Variants in JPH1 observed in about 807,000 individuals in gnomAD.
JPH1 encodes junctophilin-1.
A neutral mutation model predicts 53.6 loss-of-function variants in JPH1; 12 were observed. The observed-to-expected ratio is 0.22, with a 90% CI of 0.14 to 0.36. The LOEUF (loss-of-function observed/expected upper bound fraction) is 0.36, where lower values mean the gene tolerates loss of function less well. Among genes scored for constraint, JPH1 ranks in the 10% least tolerant of loss-of-function variants. The pLI is 1.00. For synonymous variants in JPH1, 375 were observed against 363.8 expected, an observed-to-expected ratio of 1.03 and a Z score of -0.35; for missense variants, 808 against 905.5, an observed-to-expected ratio of 0.89 and a Z score of 1.38.
chr8:74,265,909 T>C (rs1806517833), intron 2 of JPH1, among the ~76,000 whole-genome samples: 1 of 149,628 alleles, frequency 6.7e-6, no homozygotes, highest in Admixed American at 6.7e-5. Context: ...AAAACCACAA[T>C]GAGATACTAT....
At chr8:74,282,293 C>A (rs118118502) in intron 2 of JPH1, among the ~76,000 whole-genome samples, 2 of 152,254 alleles carry the variant, frequency 1.3e-5, no homozygotes, top group East Asian at 3.9e-4. Flanking sequence ...AGACCTTCCA[C>A]CAAGTTTTCC....
At chr8:74,281,674 T>C (rs1465205264) in intron 2 of JPH1, among the ~76,000 whole-genome samples, 1 of 152,218 alleles carries the variant, frequency 6.6e-6, no homozygotes, top group Non-Finnish European at 1.5e-5. Context: ...AGATTCATTC[T>C]CATCTGTCCT....
intron 2 of JPH1, among the ~76,000 whole-genome samples, chr8:74,293,808 A>G (rs189119527): frequency 2.0e-5 from 3 of 152,324 alleles, no homozygotes; most frequent in Admixed American, 2.0e-4. Flanking sequence ...AAACTATGAG[A>G]CTATGCCAGG....
chr8:74,253,111 A>T (rs905408351), intron 3 of JPH1, among the ~76,000 whole-genome samples: 4 of 152,034 alleles, frequency 2.6e-5, no homozygotes, highest in Admixed American at 6.6e-5. Flanking sequence ...ATCACACCAC[A>T]CCTATTCCAA....
chr8:74,292,219 A>G (rs903859455), intron 2 of JPH1, among the ~76,000 whole-genome samples: 1 of 152,200 alleles, frequency 6.6e-6, no homozygotes, highest in Non-Finnish European at 1.5e-5. Flanking sequence ...GAAAAACACA[A>G]CTGATTCCCA....
rs1188265777 is a variant in JPH1, at chr8:74,321,359, C to A, written c.-72G>T. The A allele has an allele frequency of 7.2e-7, 1 of 1,379,988 alleles. No homozygotes were observed. The highest frequency in any genetic ancestry group is 9.4e-7 in the Non-Finnish European group (1 of 1,066,230). The allele number at this position is 1,379,988 out of a possible 1,614,324, so 85.5% of individuals were successfully genotyped here. On this transcript the variant is annotated 5_prime_UTR_variant, in exon 1 of 6. Coordinates refer to ENST00000342232, the MANE Select transcript of JPH1 (RefSeq NM_020647.4). This position sits in a 1 kb window ranked among gnomAD's most constrained non-coding sequence, Gnocchi z 4.3. ...CAGTGCTGGGCACGGCAGGGTGTAG[C>A]TCGGGGGTGGGGGCCCGGCGGGCGA...
intron 2 of JPH1, among the ~76,000 whole-genome samples, chr8:74,296,439 C>T (rs1807524513): frequency 2.0e-5 from 3 of 152,146 alleles, no homozygotes; most frequent in African/African-American, 7.2e-5. Context: ...TTTATAGCAA[C>T]TCTATCTGGC....
At chr8:74,277,058 T>C (rs919746017) in intron 2 of JPH1, among the ~76,000 whole-genome samples, 6 of 152,242 alleles carry the variant, frequency 3.9e-5, no homozygotes, top group South Asian at 2.1e-4. Flanking sequence ...CCTTAAGCCC[T>C]TGTAAGATGT....
At chr8:74,240,677 A>G (rs1300978871) in intron 4 of JPH1, among the ~76,000 whole-genome samples, 1 of 152,210 alleles carries the variant, frequency 6.6e-6, no homozygotes, top group African/African-American at 2.4e-5. Context: ...TTTATTTTAT[A>G]ATTTTCAAAG....
At position 74,237,246 on chromosome 8, in the gene JPH1, G is replaced by C; in HGVS notation, c.1963C>G (p.Leu655Val). 6.2e-7 allele frequency: 1 copy of C among 1,613,238 alleles called. No homozygotes were observed. Residue 655 changes from leucine (L) to valine (V), a missense_variant, in exon 5 of 6, where the codon CTT becomes GTT. Around this residue, in one of 2 missense-constraint regions of JPH1, gnomAD observed 756 missense variants for 811.9 expected, o/e 0.93. Coordinates refer to ENST00000342232, the MANE Select transcript of JPH1 (RefSeq NM_020647.4). ...AATCAAGTTAGAAAGTGAACAAAAA[G>C]AATGGCCAACCCGATATTCAACAGC... The part of the protein sequence containing the change: ...VMLLNIGLAI[L>V]FVHFLT
intron 2 of JPH1, among the ~76,000 whole-genome samples, chr8:74,305,111 C>G (rs1171825618): frequency 6.6e-6 from 1 of 152,204 alleles, no homozygotes; most frequent in African/African-American, 2.4e-5. Flanking sequence ...TTTGTTGGAT[C>G]CTGCTCCTAA....
intron 2 of JPH1, 72 bp from the exon 3 acceptor site, chr8:74,259,575 A>G: frequency 1.8e-6 from 2 of 1,092,008 alleles, no homozygotes; most frequent in Non-Finnish European, 2.5e-6. Context: ...AGCAAATTGT[A>G]ATCTGGGAAA....
intron 2 of JPH1, among the ~76,000 whole-genome samples, chr8:74,311,956 T>C (rs1808010398): frequency 6.6e-6 from 1 of 152,100 alleles, no homozygotes; most frequent in Non-Finnish European, 1.5e-5. Context: ...GTCTTTGCTA[T>C]TGTGAATAAT....
At chr8:74,309,069 C>T (rs1189358887) in intron 2 of JPH1, among the ~76,000 whole-genome samples, 1 of 152,124 alleles carries the variant, frequency 6.6e-6, no homozygotes, top group Non-Finnish European at 1.5e-5. Flanking sequence ...GAAGAGACTC[C>T]CTCCTAAGAT....
At chr8:74,270,887 G>A (rs530195704) in intron 2 of JPH1, among the ~76,000 whole-genome samples, 1 of 152,118 alleles carries the variant, frequency 6.6e-6, no homozygotes, top group African/African-American at 2.4e-5. Context: ...TATCTCTGTG[G>A]TGGGATTGAT....
intron 2 of JPH1, among the ~76,000 whole-genome samples, chr8:74,311,278 C>A (rs1034325695): frequency 2.0e-5 from 3 of 152,198 alleles, no homozygotes; most frequent in African/African-American, 7.2e-5. Context: ...TTTCTTCTGT[C>A]TGCACTGGGC....
Position 74,320,856 on chromosome 8 carries a change from G to T in JPH1, c.379+53C>A. 1 of 1,456,944 alleles carries T rather than the reference G, an allele frequency of 6.9e-7. No individual in the cohort carries two copies. Among genetic ancestry groups the T allele is most frequent in the Non-Finnish European group, 9.0e-7 (1 of 1,106,926 alleles). The allele number at this position is 1,456,944 out of a possible 1,614,324, so 90.3% of individuals were successfully genotyped here. A position where few individuals can be genotyped will look rare whatever the true frequency, so the allele number is the denominator to read the frequency against. The stretch of plus-strand genomic sequence containing the variant: ...TCCCCGCTTCCCCGCAGCCGGGGCA[G>T]AGCCCACCGCACCAGCTCGCGGAGC... On this transcript the variant is annotated intron_variant, in intron 1 of 5. Transcript: ENST00000342232. This position sits in a 1 kb window ranked among gnomAD's most constrained non-coding sequence, Gnocchi z 4.4.
intron 2 of JPH1, among the ~76,000 whole-genome samples, chr8:74,310,288 TAAA>T (rs34501932): frequency 0.02 from 2,632 of 134,078 alleles, 88 homozygotes; most frequent in African/African-American, 0.066. Context: ...GAACATTTCT[TAAA>T]AAAAAAAAAA....
At chr8:74,292,406 C>G (rs923162989) in intron 2 of JPH1, among the ~76,000 whole-genome samples, 1 of 152,178 alleles carries the variant, frequency 6.6e-6, no homozygotes, top group Non-Finnish European at 1.5e-5. Context: ...TGGTCTAGGT[C>G]TTCCATGAAC....
Sources: allele counts gnomAD v4.1 joint callset (sites outside exome capture counted in the v4.1 genomes callset), GRCh38; gene constraint gnomAD v4.1.1; regional missense constraint gnomAD v4.1.1; non-coding constraint Gnocchi (gnomAD v3.1); transcripts MANE v1.5; gene names NCBI Gene and HGNC (gene_info 2026-07-23, HGNC 2026-07-21).